PCLO: variants seen among roughly 807,000 people sequenced by gnomAD.
PCLO encodes the protein protein piccolo.
In PCLO, 82 loss-of-function variants were observed where a neutral mutation model predicts 427.5. The observed-to-expected ratio is 0.19, with a 90% CI of 0.16 to 0.23. The LOEUF is 0.23. Among genes scored for constraint, PCLO ranks in the 10% least tolerant of loss-of-function variants. The pLI, the probability that PCLO is intolerant of heterozygous loss-of-function variation, is 1.00. For synonymous variants in PCLO, 2,357 were observed against 2,155.4 expected, an observed-to-expected ratio of 1.09 and a Z score of -2.59; for missense variants, 6,239 against 6,115.9, an observed-to-expected ratio of 1.02 and a Z score of -0.67.
intron 3 of PCLO, among the ~76,000 whole-genome samples, chr7:83,027,519 C>A (rs986182412): frequency 6.6e-6 from 1 of 151,896 alleles, no homozygotes; most frequent in Non-Finnish European, 1.5e-5. Context: ...CCAAATTCTA[C>A]CAGAGGTACA....
intron 4 of PCLO, among the ~76,000 whole-genome samples, chr7:82,964,031 T>C (rs1388617044): frequency 6.6e-6 from 1 of 152,180 alleles, no homozygotes; most frequent in Non-Finnish European, 1.5e-5. Flanking sequence ...ATCTGAGTGA[T>C]GGAGTTCAAT....
chr7:82,900,140 T>C (rs1462595605), intron 9 of PCLO, among the ~76,000 whole-genome samples: 1 of 151,604 alleles, frequency 6.6e-6, no homozygotes, highest in African/African-American at 2.4e-5. Flanking sequence ...CAATTATCAG[T>C]TTCTGACAGA....
chr7:82,857,180 C>T (rs1792830117), intron 10 of PCLO, among the ~76,000 whole-genome samples: 1 of 152,096 alleles, frequency 6.6e-6, no homozygotes, highest in Non-Finnish European at 1.5e-5. Flanking sequence ...GACTAAAATG[C>T]TATCAAATCT....
chr7:82,993,524 C>T (rs746699686), intron 3 of PCLO, among the ~76,000 whole-genome samples: 3 of 151,860 alleles, frequency 2.0e-5, no homozygotes, highest in Middle Eastern at 3.4e-3. Context: ...TTCTCTTTCA[C>T]GGTAGGAAAA....
At chr7:83,160,606 A>G (rs12532785) in intron 1 of PCLO, among the ~76,000 whole-genome samples, 35,313 of 152,024 alleles carry the variant, frequency 0.23, 4,730 homozygotes, top group East Asian at 0.44. Context: ...GCCATACACT[A>G]ACTATTGATA....
At chr7:83,113,165 C>T (rs890256258) in intron 3 of PCLO, among the ~76,000 whole-genome samples, 5 of 152,166 alleles carry the variant, frequency 3.3e-5, no homozygotes, top group African/African-American at 9.7e-5. Flanking sequence ...ACAGAAGGTC[C>T]TCTTATCATC....
At chr7:82,859,016 C>T (rs1792883819) in intron 10 of PCLO, among the ~76,000 whole-genome samples, 1 of 152,150 alleles carries the variant, frequency 6.6e-6, no homozygotes, top group Non-Finnish European at 1.5e-5. Context: ...TGAGGCTTGG[C>T]TCCTCTGAAA....
At chr7:83,027,678 C>G (rs929566996) in intron 3 of PCLO, among the ~76,000 whole-genome samples, 1 of 138,566 alleles carries the variant, frequency 7.2e-6, no homozygotes, top group African/African-American at 2.6e-5. Flanking sequence ...GACCAATATC[C>G]TTGATGAACA....
chr7:83,036,319 GA>G (rs1319106226), intron 3 of PCLO, among the ~76,000 whole-genome samples: 1 of 152,060 alleles, frequency 6.6e-6, no homozygotes, highest in African/African-American at 2.4e-5. Flanking sequence ...AGAGAATTTG[GA>G]ATTCTAAGAA....
At chr7:83,008,650 G>A (rs763406058) in intron 3 of PCLO, among the ~76,000 whole-genome samples, 2 of 151,640 alleles carry the variant, frequency 1.3e-5, no homozygotes, top group Non-Finnish European at 3.0e-5. Flanking sequence ...GTAGCCAAGA[G>A]AGGGAGAAAG....
At chr7:83,097,994 T>TA (rs1245859498) in intron 3 of PCLO, among the ~76,000 whole-genome samples, 1 of 152,136 alleles carries the variant, frequency 6.6e-6, no homozygotes, top group African/African-American at 2.4e-5. Flanking sequence ...TTTGTTAATA[T>TA]AAAAATGTAA....
At chr7:82,982,096 T>A (rs1796158930) in intron 3 of PCLO, among the ~76,000 whole-genome samples, 1 of 152,142 alleles carries the variant, frequency 6.6e-6, no homozygotes, top group Non-Finnish European at 1.5e-5. Flanking sequence ...TACTGAAACA[T>A]CACACTGTAT....
chr7:83,075,756 T>C (rs565625789), intron 3 of PCLO, among the ~76,000 whole-genome samples: 61 of 152,242 alleles, frequency 4.0e-4, no homozygotes, highest in African/African-American at 1.4e-3. Context: ...ATACCTTGAT[T>C]TAATATGATT....
chr7:82,852,226 A>G (rs951442780), intron 10 of PCLO, among the ~76,000 whole-genome samples: 1 of 152,138 alleles, frequency 6.6e-6, no homozygotes, highest in Admixed American at 6.6e-5. Context: ...ACAATAAACT[A>G]TTTGTAATGG....
chr7:83,048,426 T>G (rs1270132277), intron 3 of PCLO, among the ~76,000 whole-genome samples: 2 of 152,060 alleles, frequency 1.3e-5, no homozygotes, highest in African/African-American at 4.8e-5. Context: ...CACCATGAAT[T>G]AGATCATATT....
chr7:82,817,418 T>C (rs930735638), intron 20 of PCLO, among the ~76,000 whole-genome samples: 13 of 152,134 alleles, frequency 8.5e-5, no homozygotes, highest in African/African-American at 2.9e-4. Context: ...GAAGGCTAAA[T>C]TCCTTCTGAC....
chr7:83,118,799 A>G (rs2116552298), intron 3 of PCLO, among the ~76,000 whole-genome samples: 1 of 152,212 alleles, frequency 6.6e-6, no homozygotes, highest in Admixed American at 6.5e-5. Context: ...AGCTGGGCTC[A>G]AGTACTACAA....
intron 10 of PCLO, among the ~76,000 whole-genome samples, chr7:82,866,861 G>A (rs1793107636): frequency 6.6e-6 from 1 of 152,052 alleles, no homozygotes; most frequent in South Asian, 2.1e-4. Flanking sequence ...GATCTGTATA[G>A]TTCCTGGACA....
chr7:83,089,965 C>T (rs1257840504), intron 3 of PCLO, among the ~76,000 whole-genome samples: 1 of 152,130 alleles, frequency 6.6e-6, no homozygotes, highest in Admixed American at 6.5e-5. Flanking sequence ...CCCAAATTAA[C>T]ATAGGATGTA....
Sources: gnomAD v4.1 joint callset for allele counts (sites outside exome capture counted in the v4.1 genomes callset) on GRCh38, gnomAD v4.1.1 for gene constraint, MANE v1.5 for transcripts, NCBI Gene and HGNC (gene_info 2026-07-23, HGNC 2026-07-21) for gene names.